Variants in OR56A3 observed in about 807,000 individuals in gnomAD.
OR56A3 encodes the protein olfactory receptor 56A3.
A neutral mutation model predicts 17.5 loss-of-function variants in OR56A3; 23 were observed. That is an observed-to-expected ratio of 1.32 (90% CI 0.95 to 1.87). The LOEUF (loss-of-function observed/expected upper bound fraction) is 1.87. Ranked by LOEUF, OR56A3 falls within the 40% of genes most tolerant of loss-of-function variation. The pLI is 0.00. For synonymous variants in OR56A3, 175 were observed against 150.6 expected (o/e 1.16, Z -1.19); for missense variants, 366 against 380.1 (o/e 0.96, Z 0.31).
At chr11:5,985,131 G>A in the OR56A3 span, among the ~76,000 whole-genome samples, 2 of 152,108 alleles carry the variant, frequency 1.3e-5, no homozygotes, top group South Asian at 2.1e-4. Flanking sequence ...TTATAGCTAT[G>A]TTTACCAACA....
At chr11:5,990,294 A>G in the OR56A3 span, among the ~76,000 whole-genome samples, 1 of 152,254 alleles carries the variant, frequency 6.6e-6, no homozygotes, top group Non-Finnish European at 1.5e-5. Flanking sequence ...CAGGAAGGTG[A>G]TAAGGCAGAG....
chr11:5,993,785 A>T, the OR56A3 span: 1 of 253,288 alleles, frequency 3.9e-6, no homozygotes, highest in South Asian at 4.9e-5. Flanking sequence ...CTAAAGTATT[A>T]TCACTTTAAC....
the OR56A3 span, among the ~76,000 whole-genome samples, chr11:5,972,315 C>T: frequency 6.6e-6 from 1 of 152,184 alleles, no homozygotes; most frequent in Non-Finnish European, 1.5e-5. Flanking sequence ...CCTAAATCTT[C>T]ATGCATTCGG....
Position 5,948,575 on chromosome 11 carries a change from A to C in OR56A3, c.*281A>C, listed in dbSNP as rs1454552315. 1 of 369,914 alleles carries C rather than the reference A, an allele frequency of 2.7e-6. No homozygotes were observed. The highest frequency in any genetic ancestry group is 4.5e-5 in the East Asian group (1 of 22,152). The allele number at this position is 369,914 out of a possible 1,614,324, so 22.9% of individuals were successfully genotyped here. On this transcript the variant is annotated 3_prime_UTR_variant, in exon 3 of 3. Coordinates refer to ENST00000641160, the MANE Select transcript of OR56A3 (RefSeq NM_001003443.3). ...AAGCAGATTTTAAAGTGAAAAATGTATGTTTCTGAACACACAACTCAATAT... is the reference window on the plus strand; with the variant it reads ...AAGCAGATTTTAAAGTGAAAAATGTCTGTTTCTGAACACACAACTCAATAT...
the OR56A3 span, chr11:6,001,314 A>T: frequency 3.3e-5 from 5 of 152,270 alleles, no homozygotes; most frequent in African/African-American, 9.6e-5. Context: ...AGAAAAGAAC[A>T]TACAGCACTT....
the OR56A3 span, among the ~76,000 whole-genome samples, chr11:6,012,793 C>A: frequency 6.6e-6 from 1 of 152,250 alleles, no homozygotes; most frequent in Non-Finnish European, 1.5e-5. Context: ...TGCCAAGCCA[C>A]CCTCAGCACC....
chr11:5,998,790 G>A, the OR56A3 span, among the ~76,000 whole-genome samples: 1 of 152,218 alleles, frequency 6.6e-6, no homozygotes, highest in Admixed American at 6.5e-5. Flanking sequence ...AAGCAGTCAA[G>A]CCTCTGCACA....
At chr11:6,011,207 T>TACATATATATATAC in the OR56A3 span, among the ~76,000 whole-genome samples, 1 of 147,646 alleles carries the variant, frequency 6.8e-6, no homozygotes, top group Non-Finnish European at 1.5e-5. Context: ...ATTTATTTTA[T>TACATATATATATAC]ATATATATAT....
At chr11:5,976,194 G>A in the OR56A3 span, among the ~76,000 whole-genome samples, 1 of 150,684 alleles carries the variant, frequency 6.6e-6, no homozygotes, top group South Asian at 2.1e-4. Flanking sequence ...AGAAAACAGG[G>A]AAAGAATAAA....
intron 2 of OR56A3, 132 bp from the exon 3 acceptor site, chr11:5,947,179 T>C: frequency 1.6e-6 from 1 of 630,980 alleles, no homozygotes; most frequent in Non-Finnish European, 2.7e-6. Flanking sequence ...GACATGACAC[T>C]GAGGAAAAAC....
the OR56A3 span, among the ~76,000 whole-genome samples, chr11:5,992,707 G>C: frequency 6.6e-6 from 1 of 152,150 alleles, no homozygotes; most frequent in Non-Finnish European, 1.5e-5. Context: ...TTCCCAATGA[G>C]ATGGGCTGAG....
In OR56A3 at chr11:5,949,674, GTTTT is replaced by G. The variant is rs2134364840; in HGVS notation, c.*1381_*1384del. 1 of 152,226 alleles carries G rather than the reference GTTTT, an allele frequency of 6.6e-6. No individual in the cohort carries two copies. Among genetic ancestry groups the G allele is most frequent in the Admixed American group, 6.5e-5 (1 of 15,280 alleles). 9.4% of individuals were successfully genotyped at this position (152,226 alleles called of 1,614,324 possible). A position where few individuals can be genotyped will look rare whatever the true frequency, so the allele number is the denominator to read the frequency against. On this transcript the variant is annotated 3_prime_UTR_variant, in exon 3 of 3. Coordinates refer to ENST00000641160, the MANE Select transcript of OR56A3 (RefSeq NM_001003443.3). ...CCAAGACTGTCCCAAATGTCCGAATGTTTTAAATTTAACTGAAAGCATCTGAGAT... is the reference window on the plus strand; with the variant it reads ...CCAAGACTGTCCCAAATGTCCGAATGAAATTTAACTGAAAGCATCTGAGAT...
chr11:5,943,957 C>G (rs957819318), intron 1 of OR56A3, among the ~76,000 whole-genome samples: 7 of 152,134 alleles, frequency 4.6e-5, no homozygotes, highest in African/African-American at 1.7e-4. Flanking sequence ...TCAATTATGC[C>G]AAGTTCTAGG....
At chr11:5,968,351 A>G in the OR56A3 span, 11 of 1,613,682 alleles carry the variant, frequency 6.8e-6, no homozygotes, top group African/African-American at 1.3e-5. Flanking sequence ...TGGTGATCAG[A>G]AGGGTGGCAT....
chr11:5,981,576 C>T, the OR56A3 span, among the ~76,000 whole-genome samples: 1 of 152,258 alleles, frequency 6.6e-6, no homozygotes. Flanking sequence ...TTACTGGATT[C>T]CTTAGATTCC....
the OR56A3 span, among the ~76,000 whole-genome samples, chr11:5,970,299 T>G: frequency 7.6e-4 from 115 of 152,224 alleles, no homozygotes; most frequent in African/African-American, 2.6e-3. Flanking sequence ...CAAGGAGACC[T>G]AAAAGGAATG....
chr11:5,968,474 G>A, the OR56A3 span: 1 of 1,555,718 alleles, frequency 6.4e-7, no homozygotes, highest in Non-Finnish European at 8.7e-7. Flanking sequence ...GGGAAGTGGA[G>A]TTGTTGCTGG....
the OR56A3 span, among the ~76,000 whole-genome samples, chr11:5,976,269 G>C: frequency 5.4e-3 from 818 of 151,970 alleles, 10 homozygotes; most frequent in African/African-American, 0.019. Context: ...TTTAAGGAAA[G>C]AGAAGGAATA....
the OR56A3 span, chr11:5,999,330 TA>T: frequency 6.6e-6 from 1 of 152,224 alleles, no homozygotes; most frequent in African/African-American, 2.4e-5. Flanking sequence ...GAAATAATAA[TA>T]ATGATAAATC....
Sources: allele counts gnomAD v4.1 joint callset (sites outside exome capture counted in the v4.1 genomes callset), GRCh38; gene constraint gnomAD v4.1.1; transcripts MANE v1.5; gene names NCBI Gene and HGNC (gene_info 2026-07-23, HGNC 2026-07-21).